MAP3K7CL: variants seen among roughly 807,000 people sequenced by gnomAD.
MAP3K7CL encodes MAP3K7 C-terminal-like protein.
Under a neutral mutation model 18.6 loss-of-function variants are expected in MAP3K7CL, and 16 were observed. The observed-to-expected ratio is 0.86, with a 90% CI of 0.58 to 1.31. The LOEUF (loss-of-function observed/expected upper bound fraction) is 1.31, where lower values mean the gene tolerates loss of function less well. Among genes scored for constraint, MAP3K7CL ranks in the 50% most tolerant of loss-of-function variants. The pLI is 0.00. For synonymous variants in MAP3K7CL, 65 were observed against 66.8 expected, an observed-to-expected ratio of 0.97 and a Z score of 0.13; for missense variants, 163 against 174.4, an observed-to-expected ratio of 0.93 and a Z score of 0.37.
intron 4 of MAP3K7CL, among the ~76,000 whole-genome samples, chr21:29,112,302 A>C (rs1005505720): frequency 3.3e-5 from 5 of 152,184 alleles, no homozygotes; most frequent in African/African-American, 1.2e-4. Context: ...GTCTCAAAAA[A>C]TTAAAATAAA....
chr21:29,097,001 A>C (rs1359503346), intron 4 of MAP3K7CL, among the ~76,000 whole-genome samples: 2 of 152,212 alleles, frequency 1.3e-5, no homozygotes, highest in Non-Finnish European at 2.9e-5. Context: ...CTCGGCTAAG[A>C]ACTCTGATAG....
chr21:29,166,098 G>T (rs1468939547), intron 4 of MAP3K7CL, among the ~76,000 whole-genome samples: 3 of 152,124 alleles, frequency 2.0e-5, no homozygotes, highest in African/African-American at 4.8e-5. Flanking sequence ...AACACCAGAA[G>T]TTATTCCTCC....
chr21:29,112,933 C>T (rs1568942394), intron 4 of MAP3K7CL, among the ~76,000 whole-genome samples: 1 of 151,970 alleles, frequency 6.6e-6, no homozygotes. Context: ...CTCAGCCTCC[C>T]GAGTTGCTGA....
At chr21:29,122,683 T>C (rs558060792) in intron 4 of MAP3K7CL, among the ~76,000 whole-genome samples, 2 of 152,342 alleles carry the variant, frequency 1.3e-5, no homozygotes, top group African/African-American at 4.8e-5. Flanking sequence ...TCTGCCGCTC[T>C]GCTGCCAGTG....
At chr21:29,078,184 A>T (rs932184609) in intron 1 of MAP3K7CL, among the ~76,000 whole-genome samples, 21 of 151,240 alleles carry the variant, frequency 1.4e-4, no homozygotes, top group Non-Finnish European at 2.9e-5. Flanking sequence ...TGTTTATTTC[A>T]TGTTACTATA....
upstream of MAP3K7CL, chr21:29,127,654 CA>C (rs2086702729): frequency 2.6e-5 from 4 of 152,168 alleles, no homozygotes; most frequent in African/African-American, 9.6e-5. Flanking sequence ...TCATTGTTGT[CA>C]AATTATCTTT....
At chr21:29,088,139 G>A (rs1247031318) in intron 1 of MAP3K7CL, among the ~76,000 whole-genome samples, 1 of 152,148 alleles carries the variant, frequency 6.6e-6, no homozygotes, top group Non-Finnish European at 1.5e-5. Flanking sequence ...AGCAGAGCTG[G>A]AAAAACATTT....
At position 29,125,126 on chromosome 21, in the gene MAP3K7CL, G is replaced by A. The variant is rs576858182; in HGVS notation, c.371-24063G>A. ...TATGTTTTTGCCCCCTTGAAAAAAT[G>A]ATTTCTATTTACATAGTGCCTGTTT... On this transcript the variant is annotated intron_variant, in intron 4 of 6. Transcript: ENST00000286791. Among the ~76,000 whole-genome samples, 3 of 152,286 alleles carry A rather than the reference G, an allele frequency of 2.0e-5. No homozygotes were observed. In the South Asian group the frequency reaches 6.2e-4, roughly 32 times the overall value.
chr21:29,139,895 C>CTTTTTTTT (rs5843369), intron 2 of MAP3K7CL, among the ~76,000 whole-genome samples: 1 of 67,342 alleles, frequency 1.5e-5, no homozygotes, highest in Non-Finnish European at 2.8e-5. Flanking sequence ...CCATCTCTGG[C>CTTTTTTTT]TTTTTTTTTT....
intron 3 of MAP3K7CL, among the ~76,000 whole-genome samples, chr21:29,150,771 CT>C (rs34512099): frequency 0.012 from 1,464 of 127,100 alleles, 19 homozygotes; most frequent in East Asian, 0.058. Flanking sequence ...TCTACCTTTC[CT>C]TTTTTTTTTT....
chr21:29,155,778 G>A (rs2087389235), intron 3 of MAP3K7CL, among the ~76,000 whole-genome samples: 1 of 152,184 alleles, frequency 6.6e-6, no homozygotes, highest in Non-Finnish European at 1.5e-5. Flanking sequence ...AAAAGTGGGC[G>A]AGGAGGAAGT....
At chr21:29,155,252 C>G (rs2087372684) in intron 3 of MAP3K7CL, among the ~76,000 whole-genome samples, 1 of 152,086 alleles carries the variant, frequency 6.6e-6, no homozygotes, top group Non-Finnish European at 1.5e-5. Flanking sequence ...CCATCTTTCC[C>G]AAAAGTAGGT....
At chr21:29,140,418 A>C (rs2086980549) in intron 2 of MAP3K7CL, among the ~76,000 whole-genome samples, 1 of 152,230 alleles carries the variant, frequency 6.6e-6, no homozygotes, top group Non-Finnish European at 1.5e-5. Context: ...TATTGGCTGC[A>C]ACCCCACAGG....
At chr21:29,100,359 A>C (rs2146527985) in intron 4 of MAP3K7CL, among the ~76,000 whole-genome samples, 1 of 152,336 alleles carries the variant, frequency 6.6e-6, no homozygotes, top group East Asian at 1.9e-4. Context: ...TTTTAGAAAA[A>C]TAGAGATGAA....
chr21:29,127,675 C>A (rs957882370), upstream of MAP3K7CL: 1 of 152,002 alleles, frequency 6.6e-6, no homozygotes, highest in Non-Finnish European at 1.5e-5. Flanking sequence ...TTAATGAAAT[C>A]TTTTTCTTTG....
chr21:29,121,884 C>G (rs2086600111), intron 4 of MAP3K7CL, among the ~76,000 whole-genome samples: 1 of 151,900 alleles, frequency 6.6e-6, no homozygotes, highest in Non-Finnish European at 1.5e-5. Context: ...GCACTTTCCT[C>G]ACAATGTGTT....
intron 4 of MAP3K7CL, among the ~76,000 whole-genome samples, chr21:29,172,399 A>T (rs1313886388): frequency 2.0e-5 from 3 of 152,188 alleles, no homozygotes; most frequent in Non-Finnish European, 2.9e-5. Context: ...CACAGAAATG[A>T]TGTGTGTTTC....
chr21:29,126,648 G>C (rs2086686404), upstream of MAP3K7CL, among the ~76,000 whole-genome samples: 1 of 152,022 alleles, frequency 6.6e-6, no homozygotes, highest in Admixed American at 6.6e-5. Flanking sequence ...TAGTAGAGAC[G>C]GGGTCTTACC....
At chr21:29,168,188 A>G (rs1218304356) in intron 4 of MAP3K7CL, among the ~76,000 whole-genome samples, 1 of 152,166 alleles carries the variant, frequency 6.6e-6, no homozygotes, top group Admixed American at 6.5e-5. Context: ...AAATGGAGAC[A>G]TTTCTCCACA....
Sources: allele counts gnomAD v4.1 joint callset (sites outside exome capture counted in the v4.1 genomes callset), GRCh38; gene constraint gnomAD v4.1.1; transcripts MANE v1.5; gene names NCBI Gene and HGNC (gene_info 2026-07-23, HGNC 2026-07-21).